Variants in ACTR3C observed in about 807,000 individuals in gnomAD.
ACTR3C encodes actin-related protein 3C.
ACTR3C carries 18 observed loss-of-function variants against 26.3 expected under a neutral mutation model. That is an observed-to-expected ratio of 0.68 (90% CI 0.47 to 1.01). ACTR3C has a LOEUF of 1.01. Among genes scored for constraint, ACTR3C ranks in the 50% least tolerant of loss-of-function variants. The pLI is 0.00. For missense variants in ACTR3C, 184 were observed against 250.7 expected (o/e 0.73, Z 1.80); for synonymous variants, 55 against 94.5 (o/e 0.58, Z 2.42).
chr7:150,255,242 A>ATTTTTTTT (rs745713614), intron 6 of ACTR3C, among the ~76,000 whole-genome samples: 149 of 85,472 alleles, frequency 1.7e-3, no homozygotes, highest in Non-Finnish European at 2.3e-3. Flanking sequence ...TTTGTAGGGG[A>ATTTTTTTT]TTTTTTTTTT....
At chr7:150,242,965 T>C (rs1832270282), downstream of ACTR3C, among the ~76,000 whole-genome samples, 1 of 152,228 alleles carries the variant, frequency 6.6e-6, no homozygotes. Flanking sequence ...ATCCTCTTTC[T>C]GGGTCCTGTG....
the ACTR3C span, among the ~76,000 whole-genome samples, chr7:149,893,118 T>G: frequency 6.6e-6 from 1 of 152,196 alleles, no homozygotes; most frequent in Non-Finnish European, 1.5e-5. Context: ...TCACAAAGAT[T>G]CCATTTTCCA....
chr7:149,992,760 GAAAC>G, the ACTR3C span, among the ~76,000 whole-genome samples: 3 of 152,226 alleles, frequency 2.0e-5, no homozygotes, highest in Non-Finnish European at 4.4e-5. Context: ...ATGTGTATAT[GAAAC>G]GGAGCTTATT....
chr7:150,049,077 G>C, the ACTR3C span, among the ~76,000 whole-genome samples: 1 of 151,968 alleles, frequency 6.6e-6, no homozygotes, highest in African/African-American at 2.4e-5. Context: ...AGGGCGACAT[G>C]GCTCCACTCG....
chr7:150,159,948 T>C, the ACTR3C span, among the ~76,000 whole-genome samples: 36 of 152,070 alleles, frequency 2.4e-4, no homozygotes, highest in African/African-American at 7.5e-4. Flanking sequence ...GGGCCTGCCA[T>C]CATGCCTGGC....
At chr7:150,042,563 A>AGTAATCCCACATAAG in the ACTR3C span, among the ~76,000 whole-genome samples, 1 of 149,002 alleles carries the variant, frequency 6.7e-6, no homozygotes, top group African/African-American at 2.5e-5. Flanking sequence ...GTTGGCTCTG[A>AGTAATCCCACATAAG]GTCCCCGCCT....
the ACTR3C span, among the ~76,000 whole-genome samples, chr7:150,083,641 A>C: frequency 6.6e-6 from 1 of 152,180 alleles, no homozygotes; most frequent in East Asian, 1.9e-4. Flanking sequence ...TTCTAACTGC[A>C]CGTTTGTACC....
intron 1 of ACTR3C, among the ~76,000 whole-genome samples, chr7:150,310,090 A>C (rs1349294857): frequency 1.3e-5 from 2 of 152,024 alleles, no homozygotes; most frequent in African/African-American, 2.4e-5. Flanking sequence ...AGTTATCCCC[A>C]CCTGCCCAGT....
intron 6 of ACTR3C, among the ~76,000 whole-genome samples, chr7:150,263,052 G>A (rs1300901540): frequency 6.6e-6 from 1 of 152,184 alleles, no homozygotes; most frequent in Non-Finnish European, 1.5e-5. Flanking sequence ...AGAAGACTCT[G>A]TCTAAATGAA....
chr7:150,162,930 T>C, the ACTR3C span, among the ~76,000 whole-genome samples: 2 of 152,078 alleles, frequency 1.3e-5, no homozygotes, highest in Admixed American at 1.3e-4. Context: ...GGCAGGTGGA[T>C]CACCTGAGGT....
the ACTR3C span, among the ~76,000 whole-genome samples, chr7:150,204,847 G>A: frequency 4.0e-5 from 6 of 151,840 alleles, no homozygotes; most frequent in South Asian, 8.3e-4. Context: ...GGGAGGACTG[G>A]CGAGTGCAGA....
chr7:150,073,419 C>A, the ACTR3C span, among the ~76,000 whole-genome samples: 1 of 150,954 alleles, frequency 6.6e-6, no homozygotes, highest in Non-Finnish European at 1.5e-5. Flanking sequence ...TAAGAGTCCT[C>A]AAAAATTCTT....
At chr7:149,912,010 G>GAA in the ACTR3C span, among the ~76,000 whole-genome samples, 49,011 of 127,798 alleles carry the variant, frequency 0.38, 9,129 homozygotes, top group East Asian at 0.43. Context: ...ACCCTGTCTC[G>GAA]AAAAAAAAAA....
At chr7:150,096,404 C>T in the ACTR3C span, among the ~76,000 whole-genome samples, 1 of 151,236 alleles carries the variant, frequency 6.6e-6, no homozygotes, top group African/African-American at 2.5e-5. Context: ...GCTTCTCCTC[C>T]GGTAGCTGTG....
chr7:150,193,957 ATAT>A, the ACTR3C span, among the ~76,000 whole-genome samples: 4 of 141,702 alleles, frequency 2.8e-5, no homozygotes, highest in African/African-American at 1.1e-4. Context: ...TTAAAAAAAT[ATAT>A]ATATATATAT....
the ACTR3C span, among the ~76,000 whole-genome samples, chr7:150,039,598 C>A: frequency 3.0e-5 from 4 of 132,286 alleles, no homozygotes; most frequent in Admixed American, 3.0e-4. Flanking sequence ...AAGGTACCTG[C>A]CGTCGGAAGA....
chr7:150,310,145 G>A (rs1796177894), intron 1 of ACTR3C, among the ~76,000 whole-genome samples: 1 of 152,048 alleles, frequency 6.6e-6, no homozygotes, highest in African/African-American at 2.4e-5. Flanking sequence ...CTGCTTCCCT[G>A]GTTATTCCTG....
the ACTR3C span, among the ~76,000 whole-genome samples, chr7:150,203,873 G>A: frequency 2.0e-5 from 3 of 151,998 alleles, no homozygotes; most frequent in African/African-American, 2.4e-5. Context: ...CACCCGGCCC[G>A]GGCACCAAAA....
chr7:149,983,021 T>C, the ACTR3C span, among the ~76,000 whole-genome samples: 1 of 152,164 alleles, frequency 6.6e-6, no homozygotes, highest in South Asian at 2.1e-4. Flanking sequence ...TAATACACGA[T>C]GGGAAAATAA....
Sources: gnomAD v4.1 joint callset for allele counts (sites outside exome capture counted in the v4.1 genomes callset) on GRCh38, gnomAD v4.1.1 for gene constraint, MANE v1.5 for transcripts, NCBI Gene and HGNC (gene_info 2026-07-23, HGNC 2026-07-21) for gene names.